NPAT: variants seen among roughly 807,000 people sequenced by gnomAD.
NPAT encodes protein NPAT.
A neutral mutation model predicts 130.7 loss-of-function variants in NPAT; 52 were observed. The ratio of observed to expected loss-of-function variants is 0.40; its 90% CI spans 0.32 to 0.50. NPAT has a LOEUF of 0.50. Among genes scored for constraint, NPAT ranks in the 20% least tolerant of loss-of-function variants. The pLI is 0.68. For synonymous variants in NPAT, 580 were observed against 584.8 expected (o/e 0.99, Z 0.12); for missense variants, 1,687 against 1,662.6 (o/e 1.01, Z -0.26).
At chr11:108,215,601 G>A (rs1241209964) in intron 1 of NPAT, among the ~76,000 whole-genome samples, 7 of 152,138 alleles carry the variant, frequency 4.6e-5, no homozygotes, top group African/African-American at 7.2e-5. Flanking sequence ...GAACTGTATC[G>A]TTAACCAGGT....
intron 12 of NPAT, among the ~76,000 whole-genome samples, chr11:108,175,286 C>T (rs1346664873): frequency 6.6e-6 from 1 of 152,156 alleles, no homozygotes; most frequent in Non-Finnish European, 1.5e-5. Flanking sequence ...ACAGTAAATA[C>T]TATATAGGCT....
chr11:108,222,168 A>G (rs934211561), intron 1 of NPAT, among the ~76,000 whole-genome samples: 2 of 152,104 alleles, frequency 1.3e-5, no homozygotes, highest in Non-Finnish European at 2.9e-5. Flanking sequence ...AGCACACGCA[A>G]TCCGTCCGTC....
At chr11:108,217,578 A>C in intron 1 of NPAT, among the ~76,000 whole-genome samples, 1 of 152,328 alleles carries the variant, frequency 6.6e-6, no homozygotes. Context: ...ATCTGCCTAC[A>C]AAATGTTTAT....
intron 1 of NPAT, among the ~76,000 whole-genome samples, chr11:108,219,077 G>A (rs145088981): frequency 1.3e-5 from 2 of 152,154 alleles, no homozygotes; most frequent in Admixed American, 6.5e-5. Flanking sequence ...CCCTTCTGTC[G>A]CTCTCTACTG....
intron 16 of NPAT, 30 bp downstream of exon 16, chr11:108,162,090 A>T: frequency 1.9e-6 from 3 of 1,612,620 alleles, no homozygotes; most frequent in Non-Finnish European, 2.5e-6. Context: ...GCATTCAAAC[A>T]ATCTATGATA....
chr11:108,215,129 A>G (rs761030882), intron 1 of NPAT, among the ~76,000 whole-genome samples: 12 of 152,314 alleles, frequency 7.9e-5, no homozygotes, highest in Non-Finnish European at 1.3e-4. Flanking sequence ...TTCTTAACCT[A>G]GCTATCTTCA....
intron 5 of NPAT, 61 bp downstream of exon 5, chr11:108,190,399 T>C (rs1167959735): frequency 6.4e-6 from 8 of 1,252,710 alleles, no homozygotes; most frequent in East Asian, 4.6e-5. Context: ...TGAATTAAAA[T>C]GTTCATCTGA....
intron 10 of NPAT, among the ~76,000 whole-genome samples, chr11:108,184,991 C>T (rs937713914): frequency 6.6e-6 from 1 of 152,158 alleles, no homozygotes; most frequent in African/African-American, 2.4e-5. Context: ...ACTTAGGAAT[C>T]CATGACTGTG....
intron 1 of NPAT, among the ~76,000 whole-genome samples, chr11:108,205,019 G>A (rs1195846075): frequency 1.3e-5 from 2 of 152,198 alleles, no homozygotes; most frequent in African/African-American, 4.8e-5. Context: ...CAGTCTCTAA[G>A]TAGGATAAAC....
intron 2 of NPAT, among the ~76,000 whole-genome samples, chr11:108,194,887 A>G (rs1275875908): frequency 1.3e-5 from 2 of 151,036 alleles, no homozygotes; most frequent in Admixed American, 1.3e-4. Flanking sequence ...GCAGTGGCAC[A>G]ATCTCGGCTC....
At chr11:108,203,748 T>G (rs2078297248) in intron 1 of NPAT, among the ~76,000 whole-genome samples, 1 of 152,232 alleles carries the variant, frequency 6.6e-6, no homozygotes, top group Admixed American at 6.5e-5. Flanking sequence ...TTCTAAAGTT[T>G]AACTGTCCCC....
chr11:108,189,424 G>A (rs1487987746), intron 5 of NPAT, 94 bp from the exon 6 acceptor site: 12 of 992,466 alleles, frequency 1.2e-5, no homozygotes, highest in Non-Finnish European at 1.8e-5. Context: ...ATATAACAAC[G>A]TGTTACATCC....
intron 1 of NPAT, among the ~76,000 whole-genome samples, chr11:108,207,898 G>A (rs975925315): frequency 3.3e-5 from 5 of 152,222 alleles, no homozygotes; most frequent in Admixed American, 2.0e-4. Flanking sequence ...TGCAGCCGGC[G>A]TCTTGGCACC....
chr11:108,160,403 A>T (rs2077834749), intron 17 of NPAT, among the ~76,000 whole-genome samples: 2 of 152,102 alleles, frequency 1.3e-5, no homozygotes, highest in South Asian at 4.1e-4. Flanking sequence ...TATGGAAGAG[A>T]TTACAAGACG....
At chr11:108,159,329 A>C (rs754233224) in intron 17 of NPAT, among the ~76,000 whole-genome samples, 3 of 152,216 alleles carry the variant, frequency 2.0e-5, no homozygotes, top group Non-Finnish European at 2.9e-5. Flanking sequence ...TACTGCTTAG[A>C]AAGCTTTACT....
chr11:108,208,364 TAGAATCGCTTG>T (rs2078349607), intron 1 of NPAT: 2 of 405,670 alleles, frequency 4.9e-6, no homozygotes, highest in African/African-American at 4.2e-5. Context: ...GCTGAGGTGG[TAGAATCGCTTG>T]AGCCTAGGGT....
At chr11:108,187,056 C>T (rs919234579) in intron 7 of NPAT, among the ~76,000 whole-genome samples, 10 of 152,020 alleles carry the variant, frequency 6.6e-5, no homozygotes, top group Admixed American at 1.3e-4. Context: ...TTTATAATGA[C>T]CAACTGCATT....
At chr11:108,186,720 G>T (rs953142878) in intron 7 of NPAT, 151 bp from the exon 8 acceptor site, 5 of 676,112 alleles carry the variant, frequency 7.4e-6, no homozygotes, top group Non-Finnish European at 1.3e-5. Context: ...GGACCCCCAA[G>T]GATATCAAAA....
intron 12 of NPAT, 88 bp downstream of exon 12, chr11:108,176,158 C>G (rs2078003644): frequency 1.0e-6 from 1 of 999,368 alleles, no homozygotes; most frequent in South Asian, 1.3e-5. Context: ...TGAACAACTT[C>G]TACTTCCAAA....
Sources: gnomAD v4.1 joint callset for allele counts (sites outside exome capture counted in the v4.1 genomes callset) on GRCh38, gnomAD v4.1.1 for gene constraint, MANE v1.5 for transcripts, NCBI Gene and HGNC (gene_info 2026-07-23, HGNC 2026-07-21) for gene names.